Variants in MSI2 observed in about 807,000 individuals in gnomAD.
MSI2 encodes musashi RNA binding protein 2.
A neutral mutation model predicts 45.6 loss-of-function variants in MSI2; 17 were observed. The ratio of observed to expected loss-of-function variants is 0.37; its 90% CI spans 0.26 to 0.56. The LOEUF is 0.56. Among genes scored for constraint, MSI2 ranks in the 20% least tolerant of loss-of-function variants. MSI2 has a pLI of 0.77. For missense variants in MSI2, 293 were observed against 444.2 expected (o/e 0.66, Z 3.06); for synonymous variants, 156 against 158.2 (o/e 0.99, Z 0.11).
intron 7 of MSI2, among the ~76,000 whole-genome samples, chr17:57,593,371 C>G (rs8078313): frequency 0.39 from 58,661 of 151,982 alleles, 11,469 homozygotes; most frequent in Admixed American, 0.45. Context: ...CTGCACTCCC[C>G]CAAGAGGTTC....
intron 6 of MSI2, among the ~76,000 whole-genome samples, chr17:57,430,116 G>T (rs1032589902): frequency 5.3e-5 from 8 of 152,170 alleles, no homozygotes; most frequent in Admixed American, 4.6e-4. Context: ...GGAACTCCCT[G>T]CAATGTCTTG....
At chr17:57,623,701 G>C (rs1208883335) in intron 9 of MSI2, among the ~76,000 whole-genome samples, 2 of 152,184 alleles carry the variant, frequency 1.3e-5, no homozygotes, top group Non-Finnish European at 2.9e-5. Flanking sequence ...GCTGCTAATG[G>C]AAGTGGTGGC....
chr17:57,672,849 T>G (rs1018345355), intron 11 of MSI2, among the ~76,000 whole-genome samples: 1 of 152,206 alleles, frequency 6.6e-6, no homozygotes, highest in Non-Finnish European at 1.5e-5. Context: ...CGGCTTCATA[T>G]TTGCCTCCAT....
rs760746108 is a variant in MSI2, at chr17:57,652,180, C to T, written c.790+19C>T. 1.9e-6 allele frequency: 3 copies of T among 1,612,588 alleles called. No homozygotes were observed. Among genetic ancestry groups the T allele is most frequent in the South Asian group, 2.2e-5 (2 of 91,034 alleles). On this transcript the variant is annotated intron_variant, in intron 11 of 13. Transcript: ENST00000284073. The surrounding 1 kb of genome is among the most constrained non-coding windows in gnomAD (Gnocchi z 4.1). ...GGATCAGGTAGGAAGGTGTATGGGA[C>T]AGGCGACTCCCAGGCATGCCCCCAG...
intron 4 of MSI2, 63 bp downstream of exon 4, chr17:57,258,417 C>G (rs1907016307): frequency 1.5e-6 from 2 of 1,314,798 alleles, no homozygotes; most frequent in Admixed American, 1.7e-5. Context: ...ATTGACAGCC[C>G]CATTTAAAGG....
chr17:57,383,109 G>A (rs1183251026), intron 5 of MSI2, among the ~76,000 whole-genome samples: 1 of 152,292 alleles, frequency 6.6e-6, no homozygotes, highest in East Asian at 1.9e-4. Context: ...TCCCAGCAAG[G>A]ACAGAGACCC....
In MSI2 at chr17:57,627,747, T is replaced by A; in HGVS notation, c.727+444T>A. On this transcript the variant is annotated intron_variant, in intron 10 of 13. Coordinates refer to ENST00000284073, the MANE Select transcript of MSI2 (RefSeq NM_138962.4). The surrounding 1 kb of genome is among the most constrained non-coding windows in gnomAD (Gnocchi z 4.6). ...GCTTCCTTTCCTCCACCCCTCCTCC[T>A]CCTGCTCCGTCCTGACTGCTGTGGC... 1 of 208,578 alleles carries A rather than the reference T, an allele frequency of 4.8e-6. No individual in the cohort carries two copies. 12.9% of individuals were successfully genotyped at this position (208,578 alleles called of 1,614,324 possible). A position where few individuals can be genotyped will look rare whatever the true frequency, so the allele number is the denominator to read the frequency against.
At chr17:57,585,796 T>C (rs2088329913) in intron 7 of MSI2, among the ~76,000 whole-genome samples, 1 of 152,224 alleles carries the variant, frequency 6.6e-6, no homozygotes, top group African/African-American at 2.4e-5. Flanking sequence ...AAGGCCATGC[T>C]CCCGCAGTTG....
chr17:57,269,581 C>T (rs1219979361), intron 5 of MSI2, among the ~76,000 whole-genome samples: 2 of 152,186 alleles, frequency 1.3e-5, no homozygotes, highest in African/African-American at 4.8e-5. Flanking sequence ...ACAAAGAGCT[C>T]TCTCATTCTC....
intron 6 of MSI2, among the ~76,000 whole-genome samples, chr17:57,473,745 C>A (rs922824999): frequency 2.6e-5 from 4 of 152,204 alleles, no homozygotes; most frequent in Non-Finnish European, 5.9e-5. Flanking sequence ...TACTACCCAC[C>A]TTGTCTGGAC....
intron 10 of MSI2, chr17:57,632,186 C>G: frequency 8.6e-7 from 1 of 1,159,918 alleles, no homozygotes; most frequent in Non-Finnish European, 1.1e-6. Flanking sequence ...AAGTCATGAC[C>G]AAACAGGCTT....
At chr17:57,409,869 G>A (rs185351966) in intron 6 of MSI2, among the ~76,000 whole-genome samples, 19 of 151,850 alleles carry the variant, frequency 1.3e-4, no homozygotes, top group Non-Finnish European at 1.9e-4. Context: ...TTAACTGAGC[G>A]TGGTGGTGGG....
At chr17:57,396,709 G>A (rs974355498) in intron 5 of MSI2, among the ~76,000 whole-genome samples, 2 of 152,152 alleles carry the variant, frequency 1.3e-5, no homozygotes, top group Non-Finnish European at 2.9e-5. Context: ...GCGGTGTTTA[G>A]TTAAATTACA....
chr17:57,284,887 G>C lies in MSI2; in HGVS notation c.312+22695G>C, dbSNP rs1414327683. ...GTTTACCCTATGCCCTCCTCAACCA[G>C]AATTAAAATGACCTTTTTTTTTTTT... On this transcript the variant is annotated intron_variant, in intron 5 of 13. Transcript: ENST00000284073. Among the ~76,000 whole-genome samples, 9 of 150,328 alleles carry C rather than the reference G, an allele frequency of 6.0e-5. No homozygotes were observed. The East Asian group carries it at 1.8e-3, about 29-fold the overall frequency.
At chr17:57,571,180 A>T (rs1032021830) in intron 7 of MSI2, among the ~76,000 whole-genome samples, 15 of 152,182 alleles carry the variant, frequency 9.9e-5, no homozygotes, top group Non-Finnish European at 2.2e-4. Context: ...CAGTCCTGAC[A>T]TCATTTGATC....
chr17:57,301,508 G>A (rs979596167), intron 5 of MSI2, among the ~76,000 whole-genome samples: 2 of 152,246 alleles, frequency 1.3e-5, no homozygotes, highest in African/African-American at 4.8e-5. Flanking sequence ...ATACCCCTGG[G>A]TGTTTCTTCC....
chr17:57,374,563 G>A (rs1008921476), intron 5 of MSI2, among the ~76,000 whole-genome samples: 6 of 151,986 alleles, frequency 3.9e-5, no homozygotes, highest in Non-Finnish European at 8.8e-5. Flanking sequence ...GATCACCTGA[G>A]GTCAGGAGTT....
intron 5 of MSI2, among the ~76,000 whole-genome samples, chr17:57,364,313 G>A (rs1163865981): frequency 1.3e-5 from 2 of 152,130 alleles, no homozygotes; most frequent in African/African-American, 4.8e-5. Flanking sequence ...ACAAGGCTTT[G>A]AATAAAATAA....
chr17:57,655,512 C>T (rs1042618996), intron 11 of MSI2, among the ~76,000 whole-genome samples: 7 of 151,546 alleles, frequency 4.6e-5, no homozygotes. Context: ...CCCACCCACC[C>T]GGCCCCAGCC....
Sources: allele counts gnomAD v4.1 joint callset (sites outside exome capture counted in the v4.1 genomes callset), GRCh38; gene constraint gnomAD v4.1.1; non-coding constraint Gnocchi (gnomAD v3.1); transcripts MANE v1.5; gene names NCBI Gene and HGNC (gene_info 2026-07-23, HGNC 2026-07-21).